NRXN1: variants seen among roughly 807,000 people sequenced by gnomAD.
The protein encoded by NRXN1 is neurexin-1.
NRXN1 carries 39 observed loss-of-function variants against 150.9 expected under a neutral mutation model. The observed-to-expected ratio is 0.26, with a 90% CI of 0.20 to 0.34. NRXN1 has a LOEUF of 0.34. Among genes scored for constraint, NRXN1 ranks in the 10% least tolerant of loss-of-function variants. NRXN1 has a pLI of 1.00. For synonymous variants in NRXN1, 924 were observed against 757.0 expected (o/e 1.22, Z -3.62); for missense variants, 1,815 against 1,949.9 (o/e 0.93, Z 1.30).
chr2:50,626,775 T>A (rs1028200772), intron 5 of NRXN1, among the ~76,000 whole-genome samples: 2 of 151,876 alleles, frequency 1.3e-5, no homozygotes, highest in African/African-American at 4.8e-5. Flanking sequence ...CAATGCTGGG[T>A]CATCAATAAT....
intron 17 of NRXN1, among the ~76,000 whole-genome samples, chr2:50,342,673 A>G (rs1316778223): frequency 2.0e-5 from 3 of 152,262 alleles, no homozygotes; most frequent in African/African-American, 7.2e-5. Flanking sequence ...CATTATTGTT[A>G]AAACATGCTT....
chr2:50,621,397 TTAG>T, intron 6 of NRXN1, 148 bp from the exon 7 acceptor site: 2 of 604,460 alleles, frequency 3.3e-6, no homozygotes, highest in Non-Finnish European at 5.5e-6. Flanking sequence ...GAATGACATG[TTAG>T]TTATTAAGCA....
In NRXN1 at chr2:49,921,806, A is replaced by T. The variant is rs542289630; in HGVS notation, c.*138T>A. The stretch of plus-strand genomic sequence containing the variant: ...CATGAGATACTTGTTTTTATTTTTT[A>T]AAAAGTCTTTCCTTCCTGATTGCAT... On this transcript the variant is annotated 3_prime_UTR_variant, in exon 23 of 23. Transcript: ENST00000401669. The T allele has an allele frequency of 6.7e-6, 6 of 895,580 alleles. No individual in the cohort carries two copies. Among genetic ancestry groups the T allele is most frequent in the Admixed American group, 6.1e-5 (2 of 32,816 alleles). 55.5% of individuals were successfully genotyped at this position (895,580 alleles called of 1,614,324 possible).
intron 18 of NRXN1, among the ~76,000 whole-genome samples, chr2:50,236,499 C>G (rs1574655801): frequency 1.3e-5 from 2 of 150,336 alleles, no homozygotes; most frequent in East Asian, 3.9e-4. Context: ...TTTGGCAAGT[C>G]TGCCTAAAGA....
chr2:50,999,393 T>C (rs1388223471), intron 2 of NRXN1, among the ~76,000 whole-genome samples: 2 of 151,938 alleles, frequency 1.3e-5, no homozygotes, highest in East Asian at 2.0e-4. Flanking sequence ...TAATCAGGAA[T>C]GAAGGTGTTT....
intron 17 of NRXN1, among the ~76,000 whole-genome samples, chr2:50,253,325 G>T (rs1382038565): frequency 2.6e-5 from 4 of 152,128 alleles, no homozygotes; most frequent in Non-Finnish European, 5.9e-5. Flanking sequence ...AGACATGGGG[G>T]TTTTCTAAAT....
intron 5 of NRXN1, among the ~76,000 whole-genome samples, chr2:50,672,458 T>C (rs908922007): frequency 2.0e-5 from 3 of 152,018 alleles, no homozygotes; most frequent in East Asian, 3.9e-4. Flanking sequence ...TAACACATGC[T>C]TGATGAGCTT....
chr2:50,988,472 G>A (rs928541201), intron 2 of NRXN1, among the ~76,000 whole-genome samples: 2 of 151,832 alleles, frequency 1.3e-5, no homozygotes, highest in Admixed American at 6.6e-5. Flanking sequence ...AAAATCAAAC[G>A]AGAATGCTGT....
At chr2:50,472,230 T>C in intron 16 of NRXN1, 68 bp downstream of exon 16, 4 of 1,290,774 alleles carry the variant, frequency 3.1e-6, no homozygotes, top group Non-Finnish European at 4.1e-6. Flanking sequence ...TGCTGGACAG[T>C]GAGATTCACT....
intron 21 of NRXN1, among the ~76,000 whole-genome samples, chr2:50,041,445 G>C (rs1558752784): frequency 6.6e-6 from 1 of 152,136 alleles, no homozygotes; most frequent in Non-Finnish European, 1.5e-5. Context: ...AAGAGTCACT[G>C]GTGCAAACTG....
intron 21 of NRXN1, among the ~76,000 whole-genome samples, chr2:50,047,193 A>G (rs557653929): frequency 2.0e-5 from 3 of 152,248 alleles, no homozygotes; most frequent in South Asian, 2.1e-4. Flanking sequence ...GATCACCTCA[A>G]TGTATCCTGA....
chr2:50,368,921 T>C (rs2079801564), intron 17 of NRXN1, among the ~76,000 whole-genome samples: 1 of 151,974 alleles, frequency 6.6e-6, no homozygotes, highest in African/African-American at 2.4e-5. Context: ...AACATTTCTT[T>C]AGATAAAGAA....
chr2:50,928,051 A>G (rs1001657911), intron 2 of NRXN1, among the ~76,000 whole-genome samples: 3 of 151,912 alleles, frequency 2.0e-5, no homozygotes, highest in African/African-American at 4.8e-5. Flanking sequence ...TTTGCCATGG[A>G]TCCTACTCTA....
intron 18 of NRXN1, among the ~76,000 whole-genome samples, chr2:50,220,242 T>C (rs1411710754): frequency 6.6e-6 from 1 of 151,198 alleles, no homozygotes; most frequent in Admixed American, 6.6e-5. Context: ...GGAAGGAAAT[T>C]AATTCTGGTT....
intron 17 of NRXN1, among the ~76,000 whole-genome samples, chr2:50,303,560 G>T (rs75426190): frequency 0.026 from 3,939 of 152,114 alleles, 179 homozygotes; most frequent in African/African-American, 0.09. Flanking sequence ...CTCTGATTGA[G>T]AGCACTTTGA....
chr2:50,682,141 A>G (rs575581667), intron 5 of NRXN1, among the ~76,000 whole-genome samples: 1 of 152,260 alleles, frequency 6.6e-6, no homozygotes, highest in Non-Finnish European at 1.5e-5. Context: ...TAGAATTCAC[A>G]CCTGGATTAA....
At position 50,621,126 on chromosome 2, in the gene NRXN1, TTAA is replaced by T; in HGVS notation, c.1158+97_1158+99del. 2.9e-6 allele frequency: 3 copies of T among 1,046,540 alleles called. No homozygotes were observed. The South Asian group carries it at 5.2e-5, about 18-fold the overall frequency. The allele number at this position is 1,046,540 out of a possible 1,614,324, so 64.8% of individuals were successfully genotyped here. On this transcript the variant is annotated intron_variant, in intron 7 of 22. Transcript: ENST00000401669. ...AGTACCAACCGCAGTTCCTCTTTTGTTAATGATGTCTACAGTTAAAAGAAAGAA... is the reference window on the plus strand; with the variant it reads ...AGTACCAACCGCAGTTCCTCTTTTGTTGATGTCTACAGTTAAAAGAAAGAA...
chr2:50,872,384 G>A (rs1158619807), intron 5 of NRXN1, among the ~76,000 whole-genome samples: 1 of 151,736 alleles, frequency 6.6e-6, no homozygotes, highest in Admixed American at 6.6e-5. Flanking sequence ...GTTGAGGAGT[G>A]TGGAGTACTT....
At chr2:50,817,601 T>A (rs1410298013) in intron 5 of NRXN1, among the ~76,000 whole-genome samples, 1 of 151,804 alleles carries the variant, frequency 6.6e-6, no homozygotes, top group Non-Finnish European at 1.5e-5. Context: ...GATGCAAAAA[T>A]TCACAACAAA....
Sources: allele counts gnomAD v4.1 joint callset (sites outside exome capture counted in the v4.1 genomes callset), GRCh38; gene constraint gnomAD v4.1.1; transcripts MANE v1.5; gene names NCBI Gene and HGNC (gene_info 2026-07-23, HGNC 2026-07-21).